RFC3: variants seen among roughly 807,000 people sequenced by gnomAD.
RFC3 encodes the protein replication factor C subunit 3.
A neutral mutation model predicts 45.1 loss-of-function variants in RFC3; 41 were observed. The ratio of observed to expected loss-of-function variants is 0.91; its 90% CI spans 0.71 to 1.18. RFC3 has a LOEUF of 1.18. RFC3 is among the 50% of genes most tolerant of loss of function. The pLI, the probability that RFC3 is intolerant of heterozygous loss-of-function variation, is 0.00. For synonymous variants in RFC3, 149 were observed against 144.0 expected (o/e 1.03, Z -0.25); for missense variants, 423 against 428.1 (o/e 0.99, Z 0.10).
At chr13:33,963,141 TAGTA>T (rs2083067525) in intron 8 of RFC3, among the ~76,000 whole-genome samples, 1 of 148,200 alleles carries the variant, frequency 6.7e-6, no homozygotes, top group Admixed American at 6.9e-5. Flanking sequence ...AAGTTATGTA[TAGTA>T]AGTATATATT....
chr13:33,858,869 A>T (rs2137529437), intron 8 of RFC3, among the ~76,000 whole-genome samples: 1 of 152,298 alleles, frequency 6.6e-6, no homozygotes, highest in South Asian at 2.1e-4. Flanking sequence ...TGTTTTTCTA[A>T]TTCTGTTTCT....
At chr13:33,959,596 A>G (rs2083043465) in intron 8 of RFC3, among the ~76,000 whole-genome samples, 2 of 152,012 alleles carry the variant, frequency 1.3e-5, no homozygotes, top group Non-Finnish European at 2.9e-5. Flanking sequence ...CATCCAGAAC[A>G]TTTATCTCAG....
intron 8 of RFC3, among the ~76,000 whole-genome samples, chr13:33,887,601 T>C (rs1273334929): frequency 2.0e-5 from 3 of 152,294 alleles, no homozygotes; most frequent in Non-Finnish European, 2.9e-5. Flanking sequence ...TTCACTCTGA[T>C]GGTAGTTTCT....
At chr13:33,939,237 A>G (rs1275073668) in intron 8 of RFC3, among the ~76,000 whole-genome samples, 2 of 152,158 alleles carry the variant, frequency 1.3e-5, no homozygotes, top group East Asian at 3.8e-4. Flanking sequence ...AGTCCAATTT[A>G]TCCATCCCAC....
intron 8 of RFC3, among the ~76,000 whole-genome samples, chr13:33,899,037 A>T (rs963882570): frequency 6.6e-6 from 1 of 151,642 alleles, no homozygotes; most frequent in Non-Finnish European, 1.5e-5. Flanking sequence ...ATAAAAGTAT[A>T]TGACCTCATG....
intron 8 of RFC3, among the ~76,000 whole-genome samples, chr13:33,915,778 A>G (rs2082729033): frequency 1.3e-5 from 2 of 150,996 alleles, no homozygotes; most frequent in Non-Finnish European, 2.9e-5. Context: ...TTGTGAGGCA[A>G]TAATTATATT....
chr13:33,902,010 T>G (rs777740199), intron 8 of RFC3, among the ~76,000 whole-genome samples: 1 of 152,044 alleles, frequency 6.6e-6, no homozygotes, highest in African/African-American at 2.4e-5. Flanking sequence ...TATGGGTACA[T>G]TTTTAAAATT....
chr13:33,947,363 C>T (rs537864803), intron 8 of RFC3, among the ~76,000 whole-genome samples: 1 of 152,284 alleles, frequency 6.6e-6, no homozygotes, highest in South Asian at 2.1e-4. Context: ...TGTAAGTTTC[C>T]TGAGGCCTCC....
At chr13:33,968,985 A>G (rs1365217553), downstream of RFC3, among the ~76,000 whole-genome samples, 1 of 152,220 alleles carries the variant, frequency 6.6e-6, no homozygotes, top group Non-Finnish European at 1.5e-5. Context: ...TCCAGCTCAC[A>G]GTTCACCCAC....
chr13:33,850,397 T>C (rs1432747569), intron 8 of RFC3: 1 of 152,124 alleles, frequency 6.6e-6, no homozygotes, highest in Non-Finnish European at 1.5e-5. Context: ...GTATCTATTT[T>C]GAAGGAATAC....
chr13:33,958,064 G>T (rs2083032864), intron 8 of RFC3, among the ~76,000 whole-genome samples: 1 of 152,134 alleles, frequency 6.6e-6, no homozygotes, highest in African/African-American at 2.4e-5. Context: ...TGCCAAGAAG[G>T]AAATTAATAG....
downstream of RFC3, among the ~76,000 whole-genome samples, chr13:33,838,483 C>T (rs545839061): frequency 4.9e-4 from 75 of 152,212 alleles, 2 homozygotes; most frequent in South Asian, 0.015. Flanking sequence ...GCTGCCTTCA[C>T]GTTTCTGTTG....
chr13:33,847,321 A>G (rs1311945516), intron 8 of RFC3: 1 of 152,148 alleles, frequency 6.6e-6, no homozygotes, highest in Non-Finnish European at 1.5e-5. Context: ...CAGTGTTAAA[A>G]TCAGGTACTG....
Position 33,906,033 on chromosome 13 carries a change from G to A in RFC3, c.880-60054G>A, listed in dbSNP as rs545812405. Among the ~76,000 whole-genome samples, 5 of 152,154 alleles carry A rather than the reference G, an allele frequency of 3.3e-5. No individual in the cohort carries two copies. The East Asian group carries it at 9.7e-4, about 29-fold the overall frequency. ...TTAACATAAAAATCATAATATCCTT[G>A]AGGGATTGTGGCTTATATTTTAGCA... On this transcript the variant is annotated intron_variant, in intron 8 of 8. Transcript: ENST00000434425.
chr13:33,870,647 G>A (rs1053635359), intron 8 of RFC3, among the ~76,000 whole-genome samples: 1 of 152,200 alleles, frequency 6.6e-6, no homozygotes, highest in South Asian at 2.1e-4. Flanking sequence ...TAAACACTCA[G>A]TGGGTGCAAT....
At chr13:33,824,512 C>T (rs2296346) in intron 3 of RFC3, among the ~76,000 whole-genome samples, 33,396 of 151,966 alleles carry the variant, frequency 0.22, 5,706 homozygotes, top group African/African-American at 0.45. Flanking sequence ...AGCTATTAAG[C>T]ATTAAGTGGT....
At chr13:33,833,115 G>C (rs2082119311) in intron 7 of RFC3, among the ~76,000 whole-genome samples, 1 of 152,112 alleles carries the variant, frequency 6.6e-6, no homozygotes. Flanking sequence ...CCTTGGGGCT[G>C]GCCAGAAATC....
chr13:33,864,850 C>T (rs1234510028), intron 8 of RFC3, among the ~76,000 whole-genome samples: 4 of 152,064 alleles, frequency 2.6e-5, no homozygotes, highest in Admixed American at 6.6e-5. Context: ...TTCCAAGAAC[C>T]TAACCTGAGC....
chr13:33,885,286 A>G (rs979266133), intron 8 of RFC3, among the ~76,000 whole-genome samples: 2 of 152,040 alleles, frequency 1.3e-5, no homozygotes, highest in Non-Finnish European at 2.9e-5. Context: ...TCATAGGAAA[A>G]AAACTTGATC....
Sources: allele counts gnomAD v4.1 joint callset (sites outside exome capture counted in the v4.1 genomes callset), GRCh38; gene constraint gnomAD v4.1.1; transcripts MANE v1.5; gene names NCBI Gene and HGNC (gene_info 2026-07-23, HGNC 2026-07-21).